DCAF8L2: variants seen among roughly 807,000 people sequenced by gnomAD.
DCAF8L2 encodes DDB1- and CUL4-associated factor 8-like protein 2.
For synonymous variants in DCAF8L2, 200 were observed against 190.9 expected (o/e 1.05, Z -0.39); for missense variants, 430 against 490.7 (o/e 0.88, Z 1.17).
chrX:27,547,891 T>TCTTTCTC, the DCAF8L2 span, among the ~76,000 whole-genome samples: 868 of 57,164 alleles, frequency 0.015, 43 homozygotes, highest in Admixed American at 0.041. Flanking sequence ...CTCTCTCTCT[T>TCTTTCTC]TCTCTCTCTC....
intron 2 of DCAF8L2, among the ~76,000 whole-genome samples, chrX:27,667,199 C>T (rs760827466): frequency 1.9e-4 from 21 of 111,218 alleles, no homozygotes; most frequent in Admixed American, 1.3e-3. Flanking sequence ...GCAGGTTTCA[C>T]CTGACAGATA....
intron 1 of DCAF8L2, among the ~76,000 whole-genome samples, chrX:27,619,011 CTATCTATCT>C (rs1214591359): frequency 1.3e-5 from 1 of 74,972 alleles, no homozygotes. Context: ...TCTAATCTAT[CTATCTATCT>C]ATCTATCTAT....
At chrX:27,642,266 A>T (rs1376497671) in intron 2 of DCAF8L2, among the ~76,000 whole-genome samples, 1 of 110,909 alleles carries the variant, frequency 9.0e-6, no homozygotes, top group African/African-American at 3.3e-5. Flanking sequence ...CTTGTTTTTG[A>T]CTTTCTTATG....
chrX:27,516,500 A>ACT, the DCAF8L2 span, among the ~76,000 whole-genome samples: 4,111 of 105,373 alleles, frequency 0.039, 228 homozygotes, highest in African/African-American at 0.14. Context: ...ACACACACAT[A>ACT]CTCTCTCTCT....
At chrX:27,570,267 G>C in the DCAF8L2 span, among the ~76,000 whole-genome samples, 1 of 110,747 alleles carries the variant, frequency 9.0e-6, no homozygotes, top group Non-Finnish European at 1.9e-5. Context: ...GGCTAGGGGA[G>C]AAGGAGTAGA....
chrX:27,703,256 C>A (rs1931198394), intron 3 of DCAF8L2, among the ~76,000 whole-genome samples: 2 of 111,073 alleles, frequency 1.8e-5, no homozygotes, highest in African/African-American at 6.5e-5. Flanking sequence ...CTTAAGATAG[C>A]AATGTTTCCC....
Position 27,747,481 on chromosome X carries a change from C to T in DCAF8L2, c.586C>T (p.Arg196Trp). 1 of 1,175,775 alleles carries T rather than the reference C, an allele frequency of 8.5e-7. No individual in the cohort carries two copies. Among genetic ancestry groups the T allele is most frequent in the Non-Finnish European group, 1.1e-6 (1 of 877,125 alleles). Reference sequence around the variant, plus strand: ...GCAGGTCGTTACTGCTCTTCACCAGCGGCAGCTGGGTTCACGTCCCCGCTT... The same window carrying T: ...GCAGGTCGTTACTGCTCTTCACCAGTGGCAGCTGGGTTCACGTCCCCGCTT... ...RWQVVTALHQRQLGSRPRFVY... is the reference protein window; with the variant it reads ...RWQVVTALHQWQLGSRPRFVY... Residue 196 changes from arginine (R) to tryptophan (W), a missense_variant, in exon 5 of 5, where the codon CGG becomes TGG. Transcript: ENST00000451261.
At chrX:27,681,608 T>C (rs1235579820) in intron 3 of DCAF8L2, among the ~76,000 whole-genome samples, 2 of 112,296 alleles carry the variant, frequency 1.8e-5, no homozygotes, top group African/African-American at 6.5e-5. Context: ...AGTAATACAT[T>C]TTGCTTAAGA....
chrX:27,523,711 GCACCAGTTAACTCGTCATTTGCA>G, the DCAF8L2 span, among the ~76,000 whole-genome samples: 1 of 108,761 alleles, frequency 9.2e-6, no homozygotes, highest in South Asian at 4.1e-4. Context: ...TTGGTGTGCT[GCACCAGTTAACTCGTCATTTGCA>G]TTAGGTATAT....
At chrX:27,592,664 C>T (rs1421840949) in intron 1 of DCAF8L2, among the ~76,000 whole-genome samples, 1 of 110,436 alleles carries the variant, frequency 9.1e-6, no homozygotes, top group African/African-American at 3.3e-5. Flanking sequence ...GTCTCGATCT[C>T]CTGACCTCGT....
chrX:27,513,284 A>G, the DCAF8L2 span, among the ~76,000 whole-genome samples: 1 of 112,442 alleles, frequency 8.9e-6, no homozygotes, highest in African/African-American at 3.2e-5. Flanking sequence ...AGCAATGGAA[A>G]CTATCAACAG....
chrX:27,690,364 G>T (rs1372973435), intron 3 of DCAF8L2, among the ~76,000 whole-genome samples: 1 of 111,259 alleles, frequency 9.0e-6, no homozygotes, highest in Admixed American at 9.6e-5. Context: ...TGTAAATTAG[G>T]CTGGCTAAAA....
At chrX:27,620,802 C>A (rs1427210299) in intron 1 of DCAF8L2, among the ~76,000 whole-genome samples, 1 of 111,657 alleles carries the variant, frequency 9.0e-6, no homozygotes, top group East Asian at 2.8e-4. Context: ...TATGGTCCAG[C>A]AATTCCATTT....
the DCAF8L2 span, among the ~76,000 whole-genome samples, chrX:27,536,567 A>T: frequency 5.4e-5 from 6 of 111,732 alleles, no homozygotes; most frequent in Non-Finnish European, 3.8e-5. Context: ...TGTTCTTGTC[A>T]CACGACCAGG....
At chrX:27,698,211 G>A (rs1367465529) in intron 3 of DCAF8L2, among the ~76,000 whole-genome samples, 1 of 111,351 alleles carries the variant, frequency 9.0e-6, no homozygotes, top group East Asian at 2.8e-4. Context: ...GGCATGAAAT[G>A]CAAAGAAAAG....
At chrX:27,656,286 G>A (rs773645215) in intron 2 of DCAF8L2, among the ~76,000 whole-genome samples, 6 of 111,907 alleles carry the variant, frequency 5.4e-5, no homozygotes, top group South Asian at 3.7e-4. Flanking sequence ...TGCCAACAGC[G>A]GTATCCGAAA....
At chrX:27,560,028 G>A in the DCAF8L2 span, among the ~76,000 whole-genome samples, 1 of 110,869 alleles carries the variant, frequency 9.0e-6, no homozygotes, top group African/African-American at 3.3e-5. Flanking sequence ...AGCACTTTGG[G>A]AGGCCTAGGC....
intron 1 of DCAF8L2, among the ~76,000 whole-genome samples, chrX:27,600,038 G>A (rs1926566281): frequency 8.9e-6 from 1 of 111,887 alleles, no homozygotes. Flanking sequence ...TATTCTAAAT[G>A]ACATGAGAGT....
At chrX:27,506,972 G>A in the DCAF8L2 span, among the ~76,000 whole-genome samples, 14 of 100,242 alleles carry the variant, frequency 1.4e-4, no homozygotes, top group East Asian at 4.8e-3. Context: ...ATGACAAATA[G>A]CATTTTTTTT....
Sources: allele counts gnomAD v4.1 joint callset (sites outside exome capture counted in the v4.1 genomes callset), GRCh38; gene constraint gnomAD v4.1.1; transcripts MANE v1.5; gene names NCBI Gene and HGNC (gene_info 2026-07-23, HGNC 2026-07-21).